Variants in KYAT3 observed in about 807,000 individuals in gnomAD.
The protein encoded by KYAT3 is kynurenine aminotransferase 3.
Under a neutral mutation model 59.0 loss-of-function variants are expected in KYAT3, and 50 were observed. That is an observed-to-expected ratio of 0.85 (90% confidence interval 0.68 to 1.07). KYAT3 has a LOEUF of 1.07. Ranked by LOEUF, KYAT3 falls within the 50% of genes least tolerant of loss-of-function variation. The pLI is 0.00. For synonymous variants in KYAT3, 148 were observed against 177.0 expected (o/e 0.84, Z 1.30); for missense variants, 497 against 533.3 (o/e 0.93, Z 0.67).
At chr1:88,928,400 G>A in the KYAT3 span, among the ~76,000 whole-genome samples, 1 of 152,010 alleles carries the variant, frequency 6.6e-6, no homozygotes, top group African/African-American at 2.4e-5. Context: ...AAGGGCCACC[G>A]CTTTAGTCAT....
intron 2 of KYAT3, among the ~76,000 whole-genome samples, chr1:88,978,887 T>A (rs1399266948): frequency 6.6e-6 from 1 of 151,892 alleles, no homozygotes; most frequent in Non-Finnish European, 1.5e-5. Context: ...ACTCCTGGCT[T>A]CACACAATCC....
chr1:88,957,928 CATG>C (rs1557689476), intron 8 of KYAT3, among the ~76,000 whole-genome samples: 1 of 152,162 alleles, frequency 6.6e-6, no homozygotes, highest in African/African-American at 2.4e-5. Context: ...CAATTTAAAA[CATG>C]ATAACATTTT....
Position 88,955,072 on chromosome 1 carries a change from T to C in KYAT3, c.864+77A>G, listed in dbSNP as rs1173772871. On this transcript the variant is annotated intron_variant, in intron 9 of 13. Coordinates refer to ENST00000260508, the MANE Select transcript of KYAT3 (RefSeq NM_001008661.3). ...TGAGCCACCATGCCTGGCCAGCATT[T>C]AAAACACAAACCACTCAACAAAAAA... 5.0e-6 allele frequency: 5 copies of C among 1,007,456 alleles called. No individual in the cohort carries two copies. In the Admixed American group the frequency reaches 5.4e-5, roughly 11 times the overall value. 62.4% of individuals were successfully genotyped at this position (1,007,456 alleles called of 1,614,324 possible).
chr1:88,982,531 G>A (rs1464217404), intron 2 of KYAT3: 3 of 1,367,900 alleles, frequency 2.2e-6, no homozygotes, highest in Non-Finnish European at 2.9e-6. Flanking sequence ...GACTTAACAG[G>A]GAATTTAAAA....
chr1:88,954,675 A>T (rs1210455526), intron 9 of KYAT3, among the ~76,000 whole-genome samples: 1 of 152,240 alleles, frequency 6.6e-6, no homozygotes, highest in East Asian at 1.9e-4. Context: ...AAAACTCAAC[A>T]TGAAAGCCAA....
At chr1:88,965,111 A>AT in intron 4 of KYAT3, 133 bp from the exon 5 acceptor site, 1 of 644,742 alleles carries the variant, frequency 1.6e-6, no homozygotes, top group Non-Finnish European at 2.5e-6. Context: ...GAAAATTTAT[A>AT]TTTTTTAATG....
At chr1:88,981,244 G>C (rs1677071605) in intron 2 of KYAT3, 1 of 152,134 alleles carries the variant, frequency 6.6e-6, no homozygotes, top group African/African-American at 2.4e-5. Context: ...ACTGTTTGTG[G>C]ATAAGCCACC....
At chr1:88,976,706 T>C (rs537342873) in intron 2 of KYAT3, among the ~76,000 whole-genome samples, 3 of 152,316 alleles carry the variant, frequency 2.0e-5, no homozygotes, top group Admixed American at 6.5e-5. Flanking sequence ...TCCATGCATG[T>C]TATTGTCCCT....
intron 5 of KYAT3, among the ~76,000 whole-genome samples, chr1:88,963,072 A>G (rs58852449): frequency 2.1e-3 from 316 of 151,934 alleles, no homozygotes; most frequent in African/African-American, 7.1e-3. Flanking sequence ...TAGAACTTAT[A>G]TCCTACTGAG....
At chr1:88,963,097 A>T (rs1676211182) in intron 5 of KYAT3, among the ~76,000 whole-genome samples, 1 of 152,052 alleles carries the variant, frequency 6.6e-6, no homozygotes, top group Non-Finnish European at 1.5e-5. Flanking sequence ...GCTTATAATG[A>T]ACGGAGAGAC....
At position 88,972,098 on chromosome 1, in the gene KYAT3, A is replaced by G. The variant is rs1459171352; in HGVS notation, c.100-2631T>C. Among the ~76,000 whole-genome samples, 4 of 152,222 alleles carry G rather than the reference A, an allele frequency of 2.6e-5. No individual in the cohort carries two copies. In the East Asian group the frequency reaches 7.7e-4, roughly 29 times the overall value. On this transcript the variant is annotated intron_variant, in intron 2 of 13. Transcript: ENST00000260508. ...TACATTTATTTTAAGGAACTGGCTT[A>G]TGTGTTTGTGAGGGCTGGCAAATCT...
chr1:88,954,859 G>A (rs183361969), intron 9 of KYAT3, among the ~76,000 whole-genome samples: 2 of 152,228 alleles, frequency 1.3e-5, no homozygotes, highest in East Asian at 1.9e-4. Flanking sequence ...CTTCCTGAGC[G>A]CAAGTGATCC....
chr1:88,982,648 T>C (rs747384060), intron 2 of KYAT3: 2 of 1,580,562 alleles, frequency 1.3e-6, no homozygotes, highest in East Asian at 4.5e-5. Context: ...AAAGTTTTGT[T>C]TGTTTCTAGT....
intron 13 of KYAT3, among the ~76,000 whole-genome samples, chr1:88,937,910 T>C (rs1336359291): frequency 6.6e-6 from 1 of 152,234 alleles, no homozygotes; most frequent in Non-Finnish European, 1.5e-5. Flanking sequence ...GAAACCATTC[T>C]AGCTTGAAGG....
chr1:88,975,337 G>A (rs914394213), intron 2 of KYAT3, among the ~76,000 whole-genome samples: 7 of 152,164 alleles, frequency 4.6e-5, no homozygotes, highest in Non-Finnish European at 7.3e-5. Context: ...ATTTTTAGGA[G>A]AGACTGGGTT....
intron 8 of KYAT3, among the ~76,000 whole-genome samples, chr1:88,958,519 CA>C (rs1676012532): frequency 6.6e-6 from 1 of 151,862 alleles, no homozygotes; most frequent in South Asian, 2.1e-4. Flanking sequence ...CTCTGGTGAT[CA>C]AATTAATGTG....
At chr1:88,985,968 C>T (rs1677424692) in intron 2 of KYAT3, among the ~76,000 whole-genome samples, 1 of 151,854 alleles carries the variant, frequency 6.6e-6, no homozygotes. Flanking sequence ...ATCACTTGAG[C>T]CCAGTAGTTT....
intron 2 of KYAT3, 151 bp downstream of exon 2, chr1:88,988,101 A>T: frequency 1.8e-6 from 1 of 560,228 alleles, no homozygotes; most frequent in East Asian, 3.1e-5. Context: ...GTGAATGTCA[A>T]TTCTAGTCAA....
intron 2 of KYAT3, among the ~76,000 whole-genome samples, chr1:88,977,804 AC>A (rs1235338882): frequency 6.6e-6 from 1 of 152,188 alleles, no homozygotes; most frequent in East Asian, 1.9e-4. Flanking sequence ...ACACAGGTGT[AC>A]CATTTTCTTA....
Sources: allele counts gnomAD v4.1 joint callset (sites outside exome capture counted in the v4.1 genomes callset), GRCh38; gene constraint gnomAD v4.1.1; transcripts MANE v1.5; gene names NCBI Gene and HGNC (gene_info 2026-07-23, HGNC 2026-07-21).